SLC5A8: variants seen among roughly 807,000 people sequenced by gnomAD.
SLC5A8 encodes solute carrier family 5 member 8, also known as sodium-coupled monocarboxylate transporter 1.
A neutral mutation model predicts 71.9 loss-of-function variants in SLC5A8; 55 were observed. The observed-to-expected ratio is 0.77, with a 90% CI of 0.62 to 0.96. The LOEUF is 0.96. Ranked by LOEUF, SLC5A8 falls within the 40% of genes least tolerant of loss-of-function variation. SLC5A8 has a pLI of 0.00. For missense variants in SLC5A8, 701 were observed against 745.3 expected (o/e 0.94, Z 0.69); for synonymous variants, 307 against 276.1 (o/e 1.11, Z -1.11).
chr12:101,161,397 A>AAG, intron 13 of SLC5A8, among the ~76,000 whole-genome samples: 1 of 152,228 alleles, frequency 6.6e-6, no homozygotes. Context: ...ACCGTTCTAT[A>AAG]GCAATCCCAG....
chr12:101,158,206 A>G (rs747256998), intron 14 of SLC5A8, 43 bp downstream of exon 14: 5 of 1,359,200 alleles, frequency 3.7e-6, no homozygotes, highest in South Asian at 1.2e-5. Context: ...TCCAGGTAAT[A>G]AAGCCCAGTT....
rs1428208281 is a variant in SLC5A8 at position 101,209,601 on chromosome 12, G to A, written c.248C>T (p.Ala83Val). The A allele has an allele frequency of 6.2e-7, 1 of 1,614,074 alleles. No homozygotes were observed. The highest frequency in any genetic ancestry group is 1.1e-5 in the South Asian group (1 of 91,080). ...GGTGAAGGCAAAGATGCTAAAAATG[G>A]CCCCAAAACGGTAGACCTCGGAGGG... Reference protein sequence around the residue: ...GTPSEVYRFGAIFSIFAFTYF... With the variant: ...GTPSEVYRFGVIFSIFAFTYF... The change falls in exon 1 of 15, where the codon GCC (alanine) becomes GTC (valine). Residue 83 changes from alanine to valine, a missense_variant. By Grantham distance (64) the Ala-to-Val change is moderately conservative. Transcript: ENST00000536262.
intron 10 of SLC5A8, among the ~76,000 whole-genome samples, chr12:101,179,298 G>T (rs2051910160): frequency 6.6e-6 from 1 of 152,194 alleles, no homozygotes; most frequent in Admixed American, 6.5e-5. Context: ...CTCCTGGGTA[G>T]TTATCCCAGG....
rs1452641938 is a variant in SLC5A8, at chr12:101,156,177, A to T, written c.*1102T>A. The T allele has an allele frequency of 6.6e-6, 1 of 152,222 alleles. No individual in the cohort carries two copies. The allele number at this position is 152,222 out of a possible 1,614,324, so 9.4% of individuals were successfully genotyped here. ...AAAGTAGTGTTTGCTTATATAATTTAGCCCTTTAACTGGATAAATATACCG... is the reference window on the plus strand; with the variant it reads ...AAAGTAGTGTTTGCTTATATAATTTTGCCCTTTAACTGGATAAATATACCG... On this transcript the variant is annotated 3_prime_UTR_variant, in exon 15 of 15. Coordinates refer to ENST00000536262, the MANE Select transcript of SLC5A8 (RefSeq NM_145913.5).
intron 13 of SLC5A8, among the ~76,000 whole-genome samples, chr12:101,160,234 CCAAA>C (rs1429512316): frequency 2.0e-5 from 3 of 152,004 alleles, no homozygotes; most frequent in Admixed American, 1.3e-4. Context: ...TCAAACTGGA[CCAAA>C]CAAATTAATA....
At chr12:101,191,989 T>C (rs2137156962) in intron 5 of SLC5A8, among the ~76,000 whole-genome samples, 1 of 152,320 alleles carries the variant, frequency 6.6e-6, no homozygotes, top group East Asian at 1.9e-4. Context: ...TTCCATACCC[T>C]CTCTCCTCAG....
At chr12:101,200,876 G>A (rs1056943685) in intron 3 of SLC5A8, among the ~76,000 whole-genome samples, 1 of 152,150 alleles carries the variant, frequency 6.6e-6, no homozygotes, top group Non-Finnish European at 1.5e-5. Context: ...GTTAGACCTA[G>A]AGAATGTTAA....
chr12:101,195,217 A>T, intron 3 of SLC5A8, 55 bp from the exon 4 acceptor site: 1 of 1,561,064 alleles, frequency 6.4e-7, no homozygotes, highest in Non-Finnish European at 8.8e-7. Flanking sequence ...AATAAAAATA[A>T]TCCTCAAAAA....
chr12:101,182,918 G>C lies in SLC5A8; in HGVS notation c.1053-3C>G. 1 of 1,488,214 alleles carries C rather than the reference G, an allele frequency of 6.7e-7. No homozygotes were observed. The allele number at this position is 1,488,214 out of a possible 1,614,324, so 92.2% of individuals were successfully genotyped here. ...CATTAATACTGGAGGACACTGTGCT[G>C]TAAGGGAAAATAAAACTTTTGATTT... is the stretch of plus-strand genomic sequence containing the variant. On this transcript the variant is annotated splice_region_variant and splice_polypyrimidine_tract_variant and intron_variant, in intron 8 of 14. Coordinates refer to ENST00000536262, the MANE Select transcript of SLC5A8 (RefSeq NM_145913.5).
intron 7 of SLC5A8, among the ~76,000 whole-genome samples, 159 bp from the exon 8 acceptor site, chr12:101,184,381 A>T (rs765170367): frequency 1.5e-4 from 23 of 152,242 alleles, no homozygotes; most frequent in Non-Finnish European, 3.4e-4. Flanking sequence ...TTAACTACTA[A>T]CACTTAGAGA....
chr12:101,184,909 G>A (rs1868557453), intron 7 of SLC5A8, among the ~76,000 whole-genome samples: 1 of 152,180 alleles, frequency 6.6e-6, no homozygotes, highest in Non-Finnish European at 1.5e-5. Context: ...GTGACTTCAG[G>A]ACTCTGTTGC....
At chr12:101,198,057 G>A (rs1281740674) in intron 3 of SLC5A8, among the ~76,000 whole-genome samples, 1 of 151,910 alleles carries the variant, frequency 6.6e-6, no homozygotes, top group Non-Finnish European at 1.5e-5. Flanking sequence ...TGAAAATTAA[G>A]CAATACACTT....
At chr12:101,160,381 T>C (rs1389903933) in intron 13 of SLC5A8, among the ~76,000 whole-genome samples, 2 of 151,870 alleles carry the variant, frequency 1.3e-5, no homozygotes, top group Non-Finnish European at 2.9e-5. Flanking sequence ...GTCACAGAAG[T>C]TTGAGAGACA....
Position 101,203,166 on chromosome 12 carries a change from G to A in SLC5A8, c.418-951C>T, listed in dbSNP as rs180682469. Reference sequence around the variant, plus strand: ...AGATCCAATGAGGTTCTGAACAGTTGGTGAATGCAAGCTACCAGGCTCAAG... The same window carrying A: ...AGATCCAATGAGGTTCTGAACAGTTAGTGAATGCAAGCTACCAGGCTCAAG... On this transcript the variant is annotated intron_variant, in intron 2 of 14. Coordinates refer to ENST00000536262, the MANE Select transcript of SLC5A8 (RefSeq NM_145913.5). 9.8e-4 allele frequency among the ~76,000 whole-genome samples: 149 copies of A among 152,304 alleles called. 3 individuals carry two copies. Among genetic ancestry groups the A allele is most frequent in the Admixed American group, 8.5e-4 (13 of 15,304 alleles).
intron 6 of SLC5A8, among the ~76,000 whole-genome samples, chr12:101,187,820 G>A (rs947300869): frequency 6.6e-6 from 1 of 151,984 alleles, no homozygotes; most frequent in Non-Finnish European, 1.5e-5. Context: ...ACTACTTCAG[G>A]TCTTCTTGTC....
chr12:101,185,011 C>T lies in SLC5A8; in HGVS notation c.964-789G>A, dbSNP rs76278273. ...AGTGTCCTCTCATTTGCACTAAAAC[C>T]TTATTGATTACTTCTCCCACAGTAC... On this transcript the variant is annotated intron_variant, in intron 7 of 14. Coordinates refer to ENST00000536262, the MANE Select transcript of SLC5A8 (RefSeq NM_145913.5). Among the ~76,000 whole-genome samples, 667 of 152,290 alleles carry T rather than the reference C, an allele frequency of 4.4e-3. 9 individuals carry two copies. Among genetic ancestry groups the T allele is most frequent in the African/African-American group, 0.015 (631 of 41,564 alleles).
At position 101,166,584 on chromosome 12, in the gene SLC5A8, C is replaced by T. The variant is rs752320523; in HGVS notation, c.1436G>A (p.Gly479Asp). ...RTLPLHLDIQ[G>D]CNSTYNETNL... is the part of the protein sequence containing the mutation. The stretch of plus-strand genomic sequence containing the variant: ...TGTCTCATTGTAGGTGCTGTTACAG[C>T]CTTGGATATCAAGGTGCAATGGCAA... The change falls in exon 12 of 15, where the codon GGC becomes GAC. Residue 479 changes from glycine to aspartate, a missense_variant. Physicochemically the swap from Gly to Asp is moderately conservative, Grantham distance 94. Transcript: ENST00000536262. 6.2e-7 allele frequency: 1 copy of T among 1,613,976 alleles called. No individual in the cohort carries two copies. Among genetic ancestry groups the T allele is most frequent in the Non-Finnish European group, 8.5e-7 (1 of 1,179,952 alleles).
rs1438352077 is a variant in SLC5A8 at position 101,184,148 on chromosome 12, G to A, written c.1038C>T (p.Tyr346=). 6.2e-7 allele frequency: 1 copy of A among 1,614,042 alleles called. No individual in the cohort carries two copies. The highest frequency in any genetic ancestry group is 1.1e-5 in the South Asian group (1 of 91,076). Residue 346 remains tyrosine (Y), a synonymous_variant, in exon 8 of 15, where the codon TAC becomes TAT. Transcript: ENST00000536262. ...GLPGLFVACA[Y]SGTLSTVSSS... Reference sequence around the variant, plus strand: ...ATAGTTCATACCTTAATGTCCCACTGTAAGCACAGGCCACAAAAAGTCCAG... The same window carrying A: ...ATAGTTCATACCTTAATGTCCCACTATAAGCACAGGCCACAAAAAGTCCAG...
At chr12:101,182,977 G>T (rs916699434) in intron 8 of SLC5A8, 62 bp from the exon 9 acceptor site, 9 of 754,540 alleles carry the variant, frequency 1.2e-5, no homozygotes, top group Non-Finnish European at 1.8e-5. Flanking sequence ...CTTTAAGTGG[G>T]AATGAGAAAG....
Sources: allele counts gnomAD v4.1 joint callset (sites outside exome capture counted in the v4.1 genomes callset), GRCh38; gene constraint gnomAD v4.1.1; transcripts MANE v1.5; gene names NCBI Gene and HGNC (gene_info 2026-07-23, HGNC 2026-07-21).